ZNF560: variants seen among roughly 807,000 people sequenced by gnomAD.
ZNF560 encodes zinc finger protein 560.
Under a neutral mutation model 81.8 loss-of-function variants are expected in ZNF560, and 54 were observed. The observed-to-expected ratio is 0.66, with a 90% confidence interval of 0.53 to 0.83. ZNF560 has a LOEUF of 0.83. ZNF560 is among the 40% of genes least tolerant of loss of function. The pLI is 0.00. For missense variants in ZNF560, 940 were observed against 932.4 expected (o/e 1.01, Z -0.11); for synonymous variants, 321 against 317.9 (o/e 1.01, Z -0.10).
At chr19:9,482,654 C>CCTCCCTCTCCCCACGGTCTCCCT (rs2073309361) in intron 2 of ZNF560, among the ~76,000 whole-genome samples, 1 of 148,636 alleles carries the variant, frequency 6.7e-6, no homozygotes, top group Non-Finnish European at 1.5e-5. Flanking sequence ...TCCCCCTCCC[C>CCTCCCTCTCCCCACGGTCTCCCT]CTCCCTCTCC....
At chr19:9,501,691 G>C (rs964050477), upstream of ZNF560, among the ~76,000 whole-genome samples, 12 of 151,372 alleles carry the variant, frequency 7.9e-5, no homozygotes, top group South Asian at 4.2e-4. Flanking sequence ...TAGAGATGAG[G>C]TTTCGCCATG....
chr19:9,454,458 T>C, the ZNF560 span, among the ~76,000 whole-genome samples: 2 of 152,220 alleles, frequency 1.3e-5, no homozygotes, highest in East Asian at 3.9e-4. Context: ...TTGGAGAACA[T>C]GGAACTACGC....
At position 9,467,049 on chromosome 19, in the gene ZNF560, C is replaced by A. The variant is rs1188463956; in HGVS notation, c.1898G>T (p.Cys633Phe). The change falls in exon 10 of 10, where the codon TGT becomes TTT. Residue 633 changes from cysteine (C) to phenylalanine (F), a missense_variant. By Grantham distance (205) the Cys-to-Phe change is radical (BLOSUM62 -2). Transcript: ENST00000301480. ...GGAGGAGACAACAAAGGCTTTCCCA[C>A]AGTCCTTATATTCATAGGGCTTATC... ...TGDKPYEYKD[C>F]GKAFVVSSSL... The A allele has an allele frequency of 1.9e-6, 3 of 1,613,978 alleles. No individual in the cohort carries two copies. Among genetic ancestry groups the A allele is most frequent in the Non-Finnish European group, 2.5e-6 (3 of 1,180,046 alleles).
Position 9,467,178 on chromosome 19 carries a change from T to C in ZNF560, c.1769A>G (p.His590Arg), listed in dbSNP as rs772477893. The change falls in exon 10 of 10, where the codon CAT (histidine) becomes CGT (arginine). Residue 590 changes from histidine (H) to arginine (R), a missense_variant. Physicochemically the swap from His to Arg is conservative, Grantham distance 29 (BLOSUM62 0). Coordinates refer to ENST00000301480, the MANE Select transcript of ZNF560 (RefSeq NM_152476.3). The stretch of plus-strand genomic sequence containing the variant: ...CTTCTCTCCACTGTGTCTTCGTAAA[T>C]GTTTAGTAAGGTATGAGCGCTCAGT... ...AFTERSYLTK[H>R]LRRHSGEKPY... 12 of 1,614,150 alleles carry C rather than the reference T, an allele frequency of 7.4e-6. No homozygotes were observed. The highest frequency in any genetic ancestry group is 1.0e-5 in the Non-Finnish European group (12 of 1,180,018).
intron 2 of ZNF560, among the ~76,000 whole-genome samples, chr19:9,478,209 A>T (rs1430668036): frequency 6.6e-6 from 1 of 152,178 alleles, no homozygotes; most frequent in Non-Finnish European, 1.5e-5. Flanking sequence ...GTCACCAAAG[A>T]CCTTACAGGC....
In ZNF560 at chr19:9,468,206, A is replaced by C. The variant is rs991122657; in HGVS notation, c.741T>G (p.Tyr247Ter). ...NRGNTSECIQYAKDLLSLYNK... is the reference protein window; with the variant it reads ...NRGNTSECIQ ...TGTATAGAGAAAGGAGGTCTTTTGC[A>C]TACTGAATACATTCAGACGTGTTGC... Residue 247 changes from tyrosine (Y) to a stop codon, truncating the protein, a stop_gained, in exon 10 of 10, where the codon TAT becomes TAG. Coordinates refer to ENST00000301480, the MANE Select transcript of ZNF560 (RefSeq NM_152476.3). LOFTEE classifies it high-confidence loss of function. The C allele has an allele frequency of 6.2e-7, 1 of 1,614,212 alleles. No homozygotes were observed. Among genetic ancestry groups the C allele is most frequent in the East Asian group, 2.2e-5 (1 of 44,874 alleles).
chr19:9,486,337 C>A (rs2073384436), intron 2 of ZNF560, among the ~76,000 whole-genome samples: 1 of 152,192 alleles, frequency 6.6e-6, no homozygotes, highest in Admixed American at 6.5e-5. Flanking sequence ...TACACATAAA[C>A]TCCAACAAGA....
At position 9,467,457 on chromosome 19, in the gene ZNF560, A is replaced by G. The variant is rs1419362926; in HGVS notation, c.1490T>C (p.Phe497Ser). ...RFDCDQCGKV[F>S]VSFSSLFAHL... ...AGCAAAAAGAGATGAGAAAGAAACA[A>G]AGACTTTCCCACACTGGTCACAATC... Residue 497 changes from phenylalanine (F) to serine (S), a missense_variant, in exon 10 of 10, where the codon TTT (phenylalanine) becomes TCT (serine). Phe to Ser is a radical substitution (Grantham distance 155). Coordinates refer to ENST00000301480, the MANE Select transcript of ZNF560 (RefSeq NM_152476.3). 1 of 1,614,102 alleles carries G rather than the reference A, an allele frequency of 6.2e-7. No homozygotes were observed. The highest frequency in any genetic ancestry group is 8.5e-7 in the Non-Finnish European group (1 of 1,180,006).
the ZNF560 span, among the ~76,000 whole-genome samples, chr19:9,457,900 C>A: frequency 6.6e-6 from 1 of 152,264 alleles, no homozygotes; most frequent in South Asian, 2.1e-4. Flanking sequence ...GGCAGAGCTG[C>A]AGCTAATTGA....
chr19:9,471,092 T>C (rs962625057), intron 6 of ZNF560, among the ~76,000 whole-genome samples: 1 of 152,194 alleles, frequency 6.6e-6, no homozygotes, highest in Admixed American at 6.5e-5. Flanking sequence ...GTTGATATCA[T>C]TACTCCAATT....
chr19:9,496,168 G>A lies in ZNF560; in HGVS notation c.-57+1960C>T, dbSNP rs138800388. ...GGATGCTAAAATAATTAGTAGGAAC[G>A]TTGCCGGGGAACAAGATATTCTGGG... is the stretch of plus-strand genomic sequence containing the variant. On this transcript the variant is annotated intron_variant, in intron 2 of 9. Coordinates refer to ENST00000301480, the MANE Select transcript of ZNF560 (RefSeq NM_152476.3). 3.6e-3 allele frequency among the ~76,000 whole-genome samples: 540 copies of A among 152,110 alleles called. 4 individuals are homozygous for A. Among genetic ancestry groups the A allele is most frequent in the African/African-American group, 0.012 (512 of 41,504 alleles).
At chr19:9,447,743 G>T in the ZNF560 span, among the ~76,000 whole-genome samples, 16 of 152,228 alleles carry the variant, frequency 1.1e-4, no homozygotes, top group African/African-American at 2.9e-4. Flanking sequence ...CAAATAACTG[G>T]CATTCCAGGG....
chr19:9,453,263 G>T, the ZNF560 span, among the ~76,000 whole-genome samples: 2 of 152,188 alleles, frequency 1.3e-5, no homozygotes, highest in African/African-American at 4.8e-5. Flanking sequence ...GCACCCTGAA[G>T]ACATTTACAG....
At chr19:9,452,502 A>G in the ZNF560 span, among the ~76,000 whole-genome samples, 3,771 of 152,328 alleles carry the variant, frequency 0.025, 161 homozygotes, top group African/African-American at 0.087. Flanking sequence ...AATCAACCTA[A>G]ATGCCAATCA....
At chr19:9,470,824 A>G (rs1386064324) in intron 6 of ZNF560, among the ~76,000 whole-genome samples, 1 of 152,234 alleles carries the variant, frequency 6.6e-6, no homozygotes, top group East Asian at 1.9e-4. Flanking sequence ...TACTTGATAA[A>G]TGAGGATATG....
At chr19:9,448,414 T>TTTTTG in the ZNF560 span, among the ~76,000 whole-genome samples, 1 of 149,230 alleles carries the variant, frequency 6.7e-6, no homozygotes, top group Non-Finnish European at 1.5e-5. Flanking sequence ...TTTTTTTTTT[T>TTTTTG]TAGTGGAGAC....
downstream of ZNF560, among the ~76,000 whole-genome samples, chr19:9,463,394 C>T (rs921892298): frequency 6.6e-6 from 1 of 152,140 alleles, no homozygotes; most frequent in Non-Finnish European, 1.5e-5. Context: ...ATTGACCTCA[C>T]CTGTGACCCA....
intron 2 of ZNF560, among the ~76,000 whole-genome samples, chr19:9,492,885 T>C (rs1029296649): frequency 6.6e-6 from 1 of 152,180 alleles, no homozygotes; most frequent in African/African-American, 2.4e-5. Context: ...TCTGAGTCCA[T>C]AATGGGGAAT....
chr19:9,505,015 G>T, the ZNF560 span, among the ~76,000 whole-genome samples: 13 of 152,148 alleles, frequency 8.5e-5, no homozygotes, highest in African/African-American at 3.1e-4. Context: ...AACCTGGGAG[G>T]TGGAGGTTGC....
Sources: allele counts gnomAD v4.1 joint callset (sites outside exome capture counted in the v4.1 genomes callset), GRCh38; gene constraint gnomAD v4.1.1; transcripts MANE v1.5; gene names NCBI Gene and HGNC (gene_info 2026-07-23, HGNC 2026-07-21).